Variants in PCCB observed in about 807,000 individuals in gnomAD.
PCCB encodes propionyl-CoA carboxylase subunit beta, also known as propionyl-CoA carboxylase beta chain, mitochondrial.
A neutral mutation model predicts 60.7 loss-of-function variants in PCCB; 43 were observed. The ratio of observed to expected loss-of-function variants is 0.71; its 90% confidence interval spans 0.55 to 0.91. The LOEUF (loss-of-function observed/expected upper bound fraction) is 0.91. Among genes scored for constraint, PCCB ranks in the 40% least tolerant of loss-of-function variants. The probability of loss-of-function intolerance (pLI) is 0.00; values close to 1 mark genes in which losing one functional copy is unlikely to be tolerated. For missense variants in PCCB, 766 were observed against 702.8 expected (o/e 1.09, Z -1.02); for synonymous variants, 276 against 255.9 (o/e 1.08, Z -0.75).
Position 136,326,888 on chromosome 3 carries a change from T to C in PCCB, c.1176T>C (p.Val392=). The change falls in exon 11 of 15, where the codon GTT becomes GTC. Residue 392 remains valine, a synonymous_variant. Coordinates refer to ENST00000251654, the MANE Select transcript of PCCB (RefSeq NM_000532.5). ...TCAATATTCCACTCATCACTTTTGT[T>C]GATGTCCCTGGCTTTCTACCTGGTA... ...DAFNIPLITF[V]DVPGFLPGTA... The C allele has an allele frequency of 6.2e-7, 1 of 1,611,690 alleles. No individual in the cohort carries two copies. The highest frequency in any genetic ancestry group is 1.1e-5 in the South Asian group (1 of 91,036).
intron 14 of PCCB, among the ~76,000 whole-genome samples, chr3:136,329,602 TTTTC>T (rs1420833118): frequency 6.6e-5 from 10 of 152,296 alleles, no homozygotes; most frequent in African/African-American, 2.4e-4. Flanking sequence ...CCTAGATGTA[TTTTC>T]TTTATTTCCT....
In PCCB at chr3:136,330,095, T is replaced by C; in HGVS notation, c.*69T>C. The stretch of plus-strand genomic sequence containing the variant: ...CCATTCACATCCCATTCCTGCCTTT[T>C]GCAATCATGAAACCTGGGAATCCAA... On this transcript the variant is annotated 3_prime_UTR_variant, in exon 15 of 15. Transcript: ENST00000251654. The C allele has an allele frequency of 6.2e-7, 1 of 1,610,950 alleles. No individual in the cohort carries two copies. The highest frequency in any genetic ancestry group is 8.5e-7 in the Non-Finnish European group (1 of 1,178,334).
At chr3:136,294,478 A>T (rs536624843) in intron 7 of PCCB, among the ~76,000 whole-genome samples, 148 of 145,090 alleles carry the variant, frequency 1.0e-3, no homozygotes, top group African/African-American at 3.1e-3. Flanking sequence ...CACCCAGCAA[A>T]TTTTTTTTTT....
At chr3:136,329,153 C>T (rs763912741) in intron 14 of PCCB, among the ~76,000 whole-genome samples, 7 of 152,206 alleles carry the variant, frequency 4.6e-5, no homozygotes, top group Non-Finnish European at 8.8e-5. Context: ...AACTAACCAC[C>T]GTTTCCCCCA....
Position 136,250,399 on chromosome 3 carries a change from G to A in PCCB, c.24G>A (p.Ala8=). 3 of 1,540,626 alleles carry A rather than the reference G, an allele frequency of 1.9e-6. No individual in the cohort carries two copies. Among genetic ancestry groups the A allele is most frequent in the Non-Finnish European group, 1.8e-6 (2 of 1,140,518 alleles). Residue 8 remains alanine, a synonymous_variant, in exon 1 of 15, where the codon GCG becomes GCA. Coordinates refer to ENST00000251654, the MANE Select transcript of PCCB (RefSeq NM_000532.5). ...AAATGGCGGCGGCATTACGGGTGGC[G>A]GCGGTCGGGGCAAGGCTCAGCGTTC... The part of the protein sequence containing the change: MAAALRV[A]AVGARLSVLA...
chr3:136,304,731 C>T (rs1158610287), intron 9 of PCCB, among the ~76,000 whole-genome samples: 4 of 114,398 alleles, frequency 3.5e-5, no homozygotes, highest in African/African-American at 1.0e-4. Flanking sequence ...CTCACTCTGT[C>T]GCCAGGCTGG....
intron 6 of PCCB, among the ~76,000 whole-genome samples, chr3:136,287,554 T>C (rs951751220): frequency 3.3e-5 from 5 of 152,078 alleles, no homozygotes; most frequent in Non-Finnish European, 7.4e-5. Context: ...CACCTCAGCC[T>C]CCCATGTAGC....
chr3:136,289,022 T>C (rs1933554931), intron 6 of PCCB, among the ~76,000 whole-genome samples: 1 of 152,032 alleles, frequency 6.6e-6, no homozygotes. Flanking sequence ...GGCTAATTTT[T>C]ATTTATTTTA....
chr3:136,257,636 A>G (rs1429573732), intron 3 of PCCB, among the ~76,000 whole-genome samples: 1 of 152,198 alleles, frequency 6.6e-6, no homozygotes, highest in Non-Finnish European at 1.5e-5. Flanking sequence ...TTACAGACCT[A>G]AAGTTTGATA....
intron 5 of PCCB, among the ~76,000 whole-genome samples, chr3:136,283,437 C>T (rs1450342334): frequency 1.3e-5 from 2 of 152,068 alleles, no homozygotes; most frequent in African/African-American, 4.8e-5. Flanking sequence ...GTCAGGGTGC[C>T]AAGATAAGTG....
chr3:136,305,744 T>C lies in PCCB; in HGVS notation c.966+4633T>C, dbSNP rs1402743680. Among the ~76,000 whole-genome samples the C allele has an allele frequency of 4.8e-4, 43 of 89,360 alleles. 11 individuals are homozygous for C. The highest frequency in any genetic ancestry group is 7.7e-4 in the Non-Finnish European group (34 of 44,118). 58.6% of individuals were successfully genotyped at this position (89,360 alleles called of 152,430 possible). On this transcript the variant is annotated intron_variant, in intron 9 of 14. Coordinates refer to ENST00000251654, the MANE Select transcript of PCCB (RefSeq NM_000532.5). ...AGCCTGGGCGATGAGTGAAACTGTC[T>C]CTAAAAAAAAAAAAAAAGAAAGAAA...
chr3:136,328,888 G>C (rs1486930943), intron 14 of PCCB, 31 bp downstream of exon 14: 1 of 1,513,872 alleles, frequency 6.6e-7, no homozygotes, highest in South Asian at 1.1e-5. Flanking sequence ...GGGCAGCTTT[G>C]TTTGTTTGGT....
rs1037725310 is a variant in PCCB, at chr3:136,302,129, T to C, written c.966+1018T>C. The stretch of plus-strand genomic sequence containing the variant: ...GAAGCAGCAGTCAGCAAGCACAGAT[T>C]CTCAATATTTGGAGGACAGGGTCCT... On this transcript the variant is annotated intron_variant, in intron 9 of 14. Coordinates refer to ENST00000251654, the MANE Select transcript of PCCB (RefSeq NM_000532.5). Among the ~76,000 whole-genome samples, 44 of 152,252 alleles carry C rather than the reference T, an allele frequency of 2.9e-4. 1 individual carries two copies. Among genetic ancestry groups the C allele is most frequent in the African/African-American group, 1.0e-3 (42 of 41,532 alleles).
intron 5 of PCCB, among the ~76,000 whole-genome samples, chr3:136,269,711 C>T (rs1348907753): frequency 3.9e-5 from 6 of 151,926 alleles, no homozygotes; most frequent in African/African-American, 1.4e-4. Context: ...CGGTGAAACC[C>T]TGTCTTTACT....
Position 136,261,975 on chromosome 3 carries a change from G to A in PCCB, c.453G>A (p.Val151=). The change falls in exon 5 of 15, where the codon GTG becomes GTA. Residue 151 remains valine, a synonymous_variant. Coordinates refer to ENST00000251654, the MANE Select transcript of PCCB (RefSeq NM_000532.5). The part of the protein sequence containing the change: ...ICKIMDQAIT[V]GAPVIGLNDS... Reference sequence around the variant, plus strand: ...AGATCATGGACCAGGCCATAACGGTGGGGGCTCCAGTGATTGGGCTGAATG... The same window carrying A: ...AGATCATGGACCAGGCCATAACGGTAGGGGCTCCAGTGATTGGGCTGAATG... The A allele has an allele frequency of 6.4e-7, 1 of 1,559,536 alleles. No homozygotes were observed. The highest frequency in any genetic ancestry group is 2.4e-5 in the East Asian group (1 of 42,348).
chr3:136,278,307 G>A (rs1289604123), intron 5 of PCCB, among the ~76,000 whole-genome samples: 1 of 152,096 alleles, frequency 6.6e-6, no homozygotes, highest in Non-Finnish European at 1.5e-5. Context: ...TTTTTCCCTT[G>A]TCTTATGGTT....
intron 8 of PCCB, among the ~76,000 whole-genome samples, chr3:136,299,896 G>A (rs1022409849): frequency 3.3e-5 from 5 of 151,034 alleles, no homozygotes; most frequent in South Asian, 2.1e-4. Flanking sequence ...ACGTATATGC[G>A]TACATATGTA....
intron 9 of PCCB, among the ~76,000 whole-genome samples, chr3:136,311,017 T>C (rs986093820): frequency 2.6e-5 from 4 of 152,288 alleles, no homozygotes; most frequent in Admixed American, 6.5e-5. Flanking sequence ...GGAACAAGTA[T>C]AGGATGCCCA....
chr3:136,324,651 C>T (rs1344785298), intron 10 of PCCB, among the ~76,000 whole-genome samples: 1 of 151,968 alleles, frequency 6.6e-6, no homozygotes, highest in African/African-American at 2.4e-5. Context: ...TTTGCCCAGA[C>T]ATCTGCAGGT....
Sources: allele counts gnomAD v4.1 joint callset (sites outside exome capture counted in the v4.1 genomes callset), GRCh38; gene constraint gnomAD v4.1.1; transcripts MANE v1.5; gene names NCBI Gene and HGNC (gene_info 2026-07-23, HGNC 2026-07-21).